The following CHIC2 variants were observed in gnomAD, a reference collection of about 807,000 sequenced individuals.
The protein encoded by CHIC2 is cysteine-rich hydrophobic domain-containing protein 2.
A neutral mutation model predicts 25.9 loss-of-function variants in CHIC2; 14 were observed. That is an observed-to-expected ratio of 0.54 (90% CI 0.36 to 0.85). The LOEUF is 0.85. Among genes scored for constraint, CHIC2 ranks in the 40% least tolerant of loss-of-function variants. The probability of loss-of-function intolerance (pLI) is 0.01; values close to 1 mark genes in which losing one functional copy is unlikely to be tolerated. For missense variants in CHIC2, 146 were observed against 202.0 expected, an observed-to-expected ratio of 0.72 and a Z score of 1.68; for synonymous variants, 70 against 72.0, an observed-to-expected ratio of 0.97 and a Z score of 0.14.
At chr4:54,066,607 C>A (rs1024952758), upstream of CHIC2, among the ~76,000 whole-genome samples, 3 of 151,174 alleles carry the variant, frequency 2.0e-5, no homozygotes, top group African/African-American at 7.3e-5. Context: ...TACTGGTGGT[C>A]CAAGCTTTCC....
At chr4:54,012,595 T>C (rs1267855575) in intron 5 of CHIC2, among the ~76,000 whole-genome samples, 1 of 152,074 alleles carries the variant, frequency 6.6e-6, no homozygotes, top group Non-Finnish European at 1.5e-5. Flanking sequence ...ACTAAATTCT[T>C]TACATCTCCT....
At chr4:54,075,746 G>A in the CHIC2 span, among the ~76,000 whole-genome samples, 3 of 152,102 alleles carry the variant, frequency 2.0e-5, no homozygotes, top group Admixed American at 2.0e-4. Context: ...TAGAGATGAG[G>A]TTTCACCATT....
At chr4:54,074,721 T>G in the CHIC2 span, among the ~76,000 whole-genome samples, 1 of 152,176 alleles carries the variant, frequency 6.6e-6, no homozygotes, top group Non-Finnish European at 1.5e-5. Context: ...TTTGAATTCA[T>G]ACTTTTCAAA....
chr4:54,054,935 T>C (rs1457724703), intron 1 of CHIC2, among the ~76,000 whole-genome samples: 3 of 152,090 alleles, frequency 2.0e-5, no homozygotes, highest in African/African-American at 7.2e-5. Flanking sequence ...ACCAGACAAG[T>C]AATGATGGGC....
chr4:54,018,842 A>T (rs1715816374), intron 3 of CHIC2, among the ~76,000 whole-genome samples: 1 of 152,058 alleles, frequency 6.6e-6, no homozygotes, highest in Non-Finnish European at 1.5e-5. Flanking sequence ...TCATACCATC[A>T]CAAAATGGGA....
intron 1 of CHIC2, among the ~76,000 whole-genome samples, chr4:54,058,488 T>A (rs967289005): frequency 2.7e-5 from 4 of 150,808 alleles, no homozygotes; most frequent in African/African-American, 9.8e-5. Flanking sequence ...AAAATAAAAA[T>A]CCCTAGACTC....
At chr4:54,049,747 GAA>G (rs375907338) in intron 1 of CHIC2, among the ~76,000 whole-genome samples, 13 of 151,936 alleles carry the variant, frequency 8.6e-5, no homozygotes, top group African/African-American at 2.7e-4. Flanking sequence ...AAAAATGCAG[GAA>G]AAAGAGTGAG....
chr4:54,035,326 T>G (rs1279649016), intron 3 of CHIC2, among the ~76,000 whole-genome samples: 2 of 152,190 alleles, frequency 1.3e-5, no homozygotes, highest in East Asian at 3.8e-4. Context: ...TACTTCTTCC[T>G]TAAATTTTGT....
intron 3 of CHIC2, among the ~76,000 whole-genome samples, chr4:54,045,247 T>C (rs1716746135): frequency 6.6e-6 from 1 of 152,210 alleles, no homozygotes; most frequent in South Asian, 2.1e-4. Flanking sequence ...CCATTCCTTC[T>C]GAAATTATTC....
In CHIC2 at chr4:54,036,858, T is replaced by C. The variant is rs1346016472; in HGVS notation, c.330+12097A>G. 3.3e-5 allele frequency among the ~76,000 whole-genome samples: 5 copies of C among 151,180 alleles called. No homozygotes were observed. The East Asian group carries it at 9.7e-4, about 29-fold the overall frequency. On this transcript the variant is annotated intron_variant, in intron 3 of 5. Transcript: ENST00000263921. ...ATGACCAAGGCATTCCACTCAGGAA[T>C]TTTTACTCAAAAAAAAAAAAAGTGT...
the CHIC2 span, among the ~76,000 whole-genome samples, chr4:54,075,891 A>G: frequency 6.6e-6 from 1 of 152,182 alleles, no homozygotes; most frequent in Non-Finnish European, 1.5e-5. Flanking sequence ...TTTATAAAAC[A>G]TGTTCATTTG....
intron 1 of CHIC2, among the ~76,000 whole-genome samples, chr4:54,063,737 C>T (rs897915239): frequency 6.6e-6 from 1 of 152,246 alleles, no homozygotes; most frequent in East Asian, 1.9e-4. Context: ...AGACACGAAA[C>T]GGAGCTTCGC....
At chr4:54,055,319 C>T (rs1235637489) in intron 1 of CHIC2, among the ~76,000 whole-genome samples, 3 of 152,050 alleles carry the variant, frequency 2.0e-5, no homozygotes, top group Admixed American at 1.3e-4. Flanking sequence ...TGGCAATTCA[C>T]TCCAGTCGTG....
chr4:54,028,355 G>T (rs889960833), intron 3 of CHIC2, among the ~76,000 whole-genome samples: 3 of 152,124 alleles, frequency 2.0e-5, no homozygotes, highest in Non-Finnish European at 4.4e-5. Context: ...AGCAGGAAAA[G>T]CATGAAATTT....
At chr4:54,048,689 C>T (rs536589445) in intron 3 of CHIC2, 2 of 243,932 alleles carry the variant, frequency 8.2e-6, no homozygotes, top group South Asian at 2.7e-4. Context: ...GATCACTATA[C>T]CACACCACTG....
intron 3 of CHIC2, among the ~76,000 whole-genome samples, chr4:54,025,277 A>G (rs1177220804): frequency 6.6e-6 from 1 of 152,056 alleles, no homozygotes; most frequent in Non-Finnish European, 1.5e-5. Flanking sequence ...TTAACTGATC[A>G]ATGTACTTTG....
chr4:54,079,355 A>AATG, the CHIC2 span, among the ~76,000 whole-genome samples: 2 of 152,030 alleles, frequency 1.3e-5, no homozygotes, highest in African/African-American at 4.8e-5. Flanking sequence ...TGTTATTGGC[A>AATG]ATGATTTTTT....
intron 3 of CHIC2, among the ~76,000 whole-genome samples, chr4:54,047,825 T>A (rs2110084271): frequency 6.6e-6 from 1 of 152,154 alleles, no homozygotes; most frequent in East Asian, 1.9e-4. Flanking sequence ...ACCCTGTCTC[T>A]ATTTTTTTAA....
At chr4:54,059,793 T>A (rs1479384325) in intron 1 of CHIC2, 5 of 152,194 alleles carry the variant, frequency 3.3e-5, no homozygotes, top group African/African-American at 1.2e-4. Context: ...TTCATTCATT[T>A]AGAAAATATT....
Sources: gnomAD v4.1 joint callset for allele counts (sites outside exome capture counted in the v4.1 genomes callset) on GRCh38, gnomAD v4.1.1 for gene constraint, MANE v1.5 for transcripts, NCBI Gene and HGNC (gene_info 2026-07-23, HGNC 2026-07-21) for gene names.